The following EXOC4 variants were observed in gnomAD, a reference collection of about 807,000 sequenced individuals.
EXOC4 encodes the protein SEC8-like 1.
A neutral mutation model predicts 107.2 loss-of-function variants in EXOC4; 71 were observed. The ratio of observed to expected loss-of-function variants is 0.66; its 90% confidence interval spans 0.55 to 0.81. The LOEUF (loss-of-function observed/expected upper bound fraction) is 0.81, where lower values mean the gene tolerates loss of function less well. Ranked by LOEUF, EXOC4 falls within the 30% of genes least tolerant of loss-of-function variation. The probability of loss-of-function intolerance (pLI) is 0.00; values close to 1 mark genes in which losing one functional copy is unlikely to be tolerated. For missense variants in EXOC4, 1,108 were observed against 1,189.6 expected, an observed-to-expected ratio of 0.93 and a Z score of 1.01; for synonymous variants, 456 against 441.2, an observed-to-expected ratio of 1.03 and a Z score of -0.42.
At chr7:133,823,878 A>ATATATATAT (rs1797617148) in intron 11 of EXOC4, among the ~76,000 whole-genome samples, 4 of 19,630 alleles carry the variant, frequency 2.0e-4, no homozygotes, top group Admixed American at 5.2e-4. Context: ...TATATTATAT[A>ATATATATAT]TATATATATA....
At chr7:133,396,282 C>G (rs917875354) in intron 7 of EXOC4, 4 of 152,142 alleles carry the variant, frequency 2.6e-5, no homozygotes, top group African/African-American at 9.7e-5. Context: ...CACTCAGACT[C>G]ACTTATGCTG....
intron 5 of EXOC4, among the ~76,000 whole-genome samples, chr7:133,331,814 A>G (rs1026147786): frequency 6.6e-6 from 1 of 152,134 alleles, no homozygotes; most frequent in Non-Finnish European, 1.5e-5. Flanking sequence ...AACCAAGATG[A>G]TAATTGTTGG....
chr7:133,326,983 C>T (rs1016211552), intron 5 of EXOC4, among the ~76,000 whole-genome samples: 3 of 152,192 alleles, frequency 2.0e-5, no homozygotes, highest in Non-Finnish European at 2.9e-5. Context: ...GAGTGAGGCT[C>T]CATGGGCGTG....
chr7:134,075,199 AT>A, the EXOC4 span, among the ~76,000 whole-genome samples: 2 of 152,168 alleles, frequency 1.3e-5, no homozygotes, highest in Non-Finnish European at 2.9e-5. Flanking sequence ...ACCCTCTAGA[AT>A]TACATGCATA....
chr7:133,439,216 C>T (rs928255020), intron 7 of EXOC4, among the ~76,000 whole-genome samples: 6 of 123,674 alleles, frequency 4.9e-5, no homozygotes, highest in South Asian at 2.7e-4. Flanking sequence ...GATGGAGTCT[C>T]GCTGTCTCGC....
intron 17 of EXOC4, among the ~76,000 whole-genome samples, chr7:134,018,508 G>A (rs913966318): frequency 2.0e-5 from 3 of 152,148 alleles, no homozygotes; most frequent in African/African-American, 7.2e-5. Flanking sequence ...AGTACTGAAG[G>A]AAGGTCACAT....
At chr7:133,579,807 C>T (rs527842526) in intron 9 of EXOC4, among the ~76,000 whole-genome samples, 31 of 152,168 alleles carry the variant, frequency 2.0e-4, no homozygotes, top group African/African-American at 5.8e-4. Context: ...CTGCTTCAGC[C>T]TCCTGAGTAG....
intron 7 of EXOC4, among the ~76,000 whole-genome samples, chr7:133,406,285 T>G (rs532233677): frequency 6.6e-6 from 1 of 152,188 alleles, no homozygotes. Flanking sequence ...ACTACATCCA[T>G]GGGCGATTGT....
chr7:133,647,122 C>T (rs772748404), intron 10 of EXOC4, among the ~76,000 whole-genome samples: 3 of 152,162 alleles, frequency 2.0e-5, no homozygotes, highest in Non-Finnish European at 2.9e-5. Context: ...CACTGAATTT[C>T]GCAAACATTA....
At chr7:133,268,196 AC>A (rs1488690182) in intron 1 of EXOC4, among the ~76,000 whole-genome samples, 4 of 152,222 alleles carry the variant, frequency 2.6e-5, no homozygotes, top group Non-Finnish European at 5.9e-5. Flanking sequence ...TAAGTCACTT[AC>A]CAAAGGTCAA....
chr7:133,384,699 TC>T (rs1363032426), intron 7 of EXOC4, among the ~76,000 whole-genome samples: 1 of 150,412 alleles, frequency 6.6e-6, no homozygotes, highest in East Asian at 2.0e-4. Flanking sequence ...AATTACATTT[TC>T]CTGAATTGGT....
chr7:133,713,234 A>C (rs901075279), intron 10 of EXOC4, among the ~76,000 whole-genome samples: 5 of 152,202 alleles, frequency 3.3e-5, no homozygotes, highest in African/African-American at 1.2e-4. Flanking sequence ...AGAATAACCA[A>C]CTCATCTCCT....
At chr7:133,826,034 A>G (rs1038148015) in intron 11 of EXOC4, among the ~76,000 whole-genome samples, 4 of 152,208 alleles carry the variant, frequency 2.6e-5, no homozygotes, top group African/African-American at 9.7e-5. Context: ...TTTATTCACT[A>G]ACAGTATTAT....
chr7:133,600,645 A>G (rs1048371455), intron 9 of EXOC4, among the ~76,000 whole-genome samples: 1 of 152,186 alleles, frequency 6.6e-6, no homozygotes, highest in Admixed American at 6.5e-5. Context: ...CCAAGAATTC[A>G]TAATTCAGAA....
At chr7:133,880,763 G>A in intron 11 of EXOC4, among the ~76,000 whole-genome samples, 1 of 152,130 alleles carries the variant, frequency 6.6e-6, no homozygotes, top group East Asian at 1.9e-4. Flanking sequence ...ATAAGATTAT[G>A]TTCGTCACAG....
chr7:133,489,473 G>C (rs141842090), intron 9 of EXOC4, among the ~76,000 whole-genome samples: 3 of 152,242 alleles, frequency 2.0e-5, no homozygotes, highest in African/African-American at 7.2e-5. Flanking sequence ...GCAACTCCTG[G>C]TATGTGCCAA....
intron 10 of EXOC4, among the ~76,000 whole-genome samples, chr7:133,675,885 A>G (rs982526027): frequency 8.5e-5 from 13 of 152,128 alleles, no homozygotes; most frequent in African/African-American, 3.1e-4. Context: ...AATTTATTCA[A>G]CCTCAAAATT....
Position 133,686,069 on chromosome 7 carries a change from A to G in EXOC4, c.1514+55928A>G, listed in dbSNP as rs560439194. On this transcript the variant is annotated intron_variant, in intron 10 of 17. Transcript: ENST00000253861. ...ATTCTTTTTCGTGGATTAATGGGTT[A>G]TCATGAGATTGGGACTGGTGGCTGT... is the stretch of plus-strand genomic sequence containing the variant. Among the ~76,000 whole-genome samples, 8 of 152,240 alleles carry G rather than the reference A, an allele frequency of 5.3e-5. No individual in the cohort carries two copies. In the South Asian group the frequency reaches 1.7e-3, roughly 32 times the overall value.
intron 9 of EXOC4, among the ~76,000 whole-genome samples, chr7:133,481,385 A>C (rs1799153335): frequency 4.9e-3 from 1 of 204 alleles, no homozygotes; most frequent in South Asian, 0.17. Context: ...GGGAACGAAT[A>C]CTTTTACTGT....
Sources: allele counts gnomAD v4.1 joint callset (sites outside exome capture counted in the v4.1 genomes callset), GRCh38; gene constraint gnomAD v4.1.1; transcripts MANE v1.5; gene names NCBI Gene and HGNC (gene_info 2026-07-23, HGNC 2026-07-21).